Variants in HS6ST3 observed in about 807,000 individuals in gnomAD.
HS6ST3 encodes the protein heparan sulfate 6-O-sulfotransferase 3.
In HS6ST3, 12 loss-of-function variants were observed where a neutral mutation model predicts 36.7. The ratio of observed to expected loss-of-function variants is 0.33; its 90% confidence interval spans 0.21 to 0.53. The LOEUF is 0.53. Ranked by LOEUF, HS6ST3 falls within the 20% of genes least tolerant of loss-of-function variation. The pLI is 0.95. For missense variants in HS6ST3, 584 were observed against 640.9 expected (o/e 0.91, Z 0.96); for synonymous variants, 240 against 257.5 (o/e 0.93, Z 0.65).
intron 1 of HS6ST3, among the ~76,000 whole-genome samples, chr13:96,792,003 C>T (rs999748112): frequency 6.6e-6 from 1 of 151,926 alleles, no homozygotes; most frequent in Non-Finnish European, 1.5e-5. Context: ...TGAATGTGTT[C>T]ATGCATATAT....
chr13:96,464,341 C>T (rs1291371033), intron 1 of HS6ST3, among the ~76,000 whole-genome samples: 1 of 151,852 alleles, frequency 6.6e-6, no homozygotes, highest in Non-Finnish European at 1.5e-5. Context: ...TGAGGCTGAT[C>T]TCCCATGTCC....
intron 1 of HS6ST3, among the ~76,000 whole-genome samples, chr13:96,692,493 A>G (rs1874992469): frequency 6.6e-6 from 1 of 152,134 alleles, no homozygotes; most frequent in Non-Finnish European, 1.5e-5. Context: ...CTGAGAACCA[A>G]CTGTATATTC....
intron 1 of HS6ST3, among the ~76,000 whole-genome samples, chr13:96,203,454 T>C (rs1173887390): frequency 6.6e-6 from 1 of 152,176 alleles, no homozygotes; most frequent in East Asian, 1.9e-4. Flanking sequence ...ATCCATGACA[T>C]TGGAGATTAG....
At chr13:96,662,848 C>T (rs1054425406) in intron 1 of HS6ST3, among the ~76,000 whole-genome samples, 18 of 152,062 alleles carry the variant, frequency 1.2e-4, no homozygotes, top group South Asian at 6.2e-4. Context: ...CTTCTGTCAG[C>T]AAGTTTTGTG....
intron 1 of HS6ST3, among the ~76,000 whole-genome samples, chr13:96,741,170 A>G (rs1366434020): frequency 4.6e-5 from 7 of 152,274 alleles, no homozygotes; most frequent in African/African-American, 1.7e-4. Flanking sequence ...ATTATGTGGC[A>G]TTATTAAAGT....
At chr13:96,795,141 A>G (rs930847475) in intron 1 of HS6ST3, among the ~76,000 whole-genome samples, 5 of 151,996 alleles carry the variant, frequency 3.3e-5, no homozygotes, top group African/African-American at 1.2e-4. Context: ...CCGTTTTAAT[A>G]TCTCAAACCT....
At chr13:96,251,372 T>G (rs1484785328) in intron 1 of HS6ST3, among the ~76,000 whole-genome samples, 1 of 152,190 alleles carries the variant, frequency 6.6e-6, no homozygotes, top group African/African-American at 2.4e-5. Flanking sequence ...AATTTGTATA[T>G]GTATAATTCT....
chr13:96,717,928 A>G (rs192280126), intron 1 of HS6ST3, among the ~76,000 whole-genome samples: 84 of 152,352 alleles, frequency 5.5e-4, no homozygotes, highest in African/African-American at 1.9e-3. Flanking sequence ...GTGATATCCC[A>G]GATTTTCGCG....
chr13:96,506,016 C>T (rs2056024711), intron 1 of HS6ST3, among the ~76,000 whole-genome samples: 1 of 152,068 alleles, frequency 6.6e-6, no homozygotes, highest in Middle Eastern at 3.2e-3. Flanking sequence ...TGTTTCTTTA[C>T]CTTCTATGCC....
rs572398531 is a variant in HS6ST3, at chr13:96,248,538, C to T, written c.707+156969C>T. Among the ~76,000 whole-genome samples, 81 of 152,240 alleles carry T rather than the reference C, an allele frequency of 5.3e-4. 1 individual carries two copies. The highest frequency in any genetic ancestry group is 1.9e-3 in the African/African-American group (81 of 41,550). ...ACTATAAGGAAGGTTTCTTTGTGTA[C>T]TGCATACAAACATACTCTCCAAACA... On this transcript the variant is annotated intron_variant, in intron 1 of 1. Transcript: ENST00000376705.
At chr13:96,628,136 A>T (rs947627451) in intron 1 of HS6ST3, among the ~76,000 whole-genome samples, 7 of 151,770 alleles carry the variant, frequency 4.6e-5, no homozygotes, top group Non-Finnish European at 8.8e-5. Context: ...TCATCTTTTT[A>T]ATGTATGCAT....
At position 96,228,960 on chromosome 13, in the gene HS6ST3, G is replaced by A. The variant is rs185798290; in HGVS notation, c.707+137391G>A. Among the ~76,000 whole-genome samples, 43 of 152,198 alleles carry A rather than the reference G, an allele frequency of 2.8e-4. 1 individual carries two copies. The highest frequency in any genetic ancestry group is 1.2e-3 in the Admixed American group (19 of 15,292). On this transcript the variant is annotated intron_variant, in intron 1 of 1. Transcript: ENST00000376705. ...GCGTGGGTGTGAGGAGAGCAGTGTG[G>A]ATGGAGAAGCAGAGGTCCTAAGGTA...
At chr13:96,362,658 C>T (rs2055244066) in intron 1 of HS6ST3, among the ~76,000 whole-genome samples, 1 of 152,098 alleles carries the variant, frequency 6.6e-6, no homozygotes, top group Non-Finnish European at 1.5e-5. Flanking sequence ...GATCTCTCTT[C>T]AAGAGAAATG....
chr13:96,093,917 A>G (rs955161895), intron 1 of HS6ST3, among the ~76,000 whole-genome samples: 1 of 152,186 alleles, frequency 6.6e-6, no homozygotes, highest in African/African-American at 2.4e-5. Flanking sequence ...ATTGGTACAT[A>G]ATGGGAACAA....
At chr13:96,749,894 A>C (rs1876657623) in intron 1 of HS6ST3, among the ~76,000 whole-genome samples, 1 of 152,020 alleles carries the variant, frequency 6.6e-6, no homozygotes. Flanking sequence ...TTACTTTTCT[A>C]ATATTATTAT....
chr13:96,134,577 AC>A, intron 1 of HS6ST3, among the ~76,000 whole-genome samples: 1 of 152,008 alleles, frequency 6.6e-6, no homozygotes, highest in East Asian at 1.9e-4. Flanking sequence ...AATATTCAAA[AC>A]CCTTTCATGT....
intron 1 of HS6ST3, among the ~76,000 whole-genome samples, chr13:96,474,297 G>A (rs2055852978): frequency 6.6e-6 from 1 of 152,172 alleles, no homozygotes; most frequent in African/African-American, 2.4e-5. Context: ...GGAGCACAGT[G>A]AGATGAGACC....
intron 1 of HS6ST3, among the ~76,000 whole-genome samples, chr13:96,514,642 A>G (rs1287406137): frequency 1.3e-5 from 2 of 152,206 alleles, no homozygotes; most frequent in Non-Finnish European, 2.9e-5. Flanking sequence ...CTCAGAGGCA[A>G]TCGTACCTTG....
intron 1 of HS6ST3, among the ~76,000 whole-genome samples, chr13:96,656,891 G>A (rs981909581): frequency 1.3e-5 from 2 of 151,150 alleles, no homozygotes; most frequent in East Asian, 2.0e-4. Context: ...AATGTGTCAC[G>A]GCCAGATGCA....
Sources: gnomAD v4.1 joint callset for allele counts (sites outside exome capture counted in the v4.1 genomes callset) on GRCh38, gnomAD v4.1.1 for gene constraint, MANE v1.5 for transcripts, NCBI Gene and HGNC (gene_info 2026-07-23, HGNC 2026-07-21) for gene names.